UNC5B: variants seen among roughly 807,000 people sequenced by gnomAD.
UNC5B encodes the protein netrin receptor UNC5B.
In UNC5B, 56 loss-of-function variants were observed where a neutral mutation model predicts 103.7. That is an observed-to-expected ratio of 0.54 (90% CI 0.44 to 0.67). The LOEUF is 0.67. Ranked by LOEUF, UNC5B falls within the 30% of genes least tolerant of loss-of-function variation. The pLI, the probability that UNC5B is intolerant of heterozygous loss-of-function variation, is 0.00. For missense variants in UNC5B, 1,194 were observed against 1,284.5 expected, an observed-to-expected ratio of 0.93 and a Z score of 1.08; for synonymous variants, 577 against 542.0, an observed-to-expected ratio of 1.06 and a Z score of -0.90.
At chr10:71,257,050 C>T (rs1278847072) in intron 1 of UNC5B, among the ~76,000 whole-genome samples, 1 of 152,172 alleles carries the variant, frequency 6.6e-6, no homozygotes, top group Non-Finnish European at 1.5e-5. Flanking sequence ...CAGCGGGGCC[C>T]AGAGGAAGGG....
chr10:71,244,440 G>C (rs1433539204), intron 1 of UNC5B, among the ~76,000 whole-genome samples: 1 of 152,232 alleles, frequency 6.6e-6, no homozygotes. Flanking sequence ...AAGGTTTACA[G>C]TAAATATCAG....
chr10:71,255,001 A>G (rs941362212), intron 1 of UNC5B, among the ~76,000 whole-genome samples: 1 of 152,176 alleles, frequency 6.6e-6, no homozygotes, highest in South Asian at 2.1e-4. Flanking sequence ...GTTTCCTTTC[A>G]GGCTCATGCC....
Position 71,291,668 on chromosome 10 carries a change from T to C in UNC5B, c.1531T>C (p.Tyr511His). Residue 511 changes from tyrosine to histidine, a missense_variant, in exon 10 of 17, where the codon TAC becomes CAC. Coordinates refer to ENST00000335350, the MANE Select transcript of UNC5B (RefSeq NM_170744.5). ...GCTGGGGGTCTTGCCGCCTGGCACA[T>C]ACCCTAGCGATTTCGCCCGGGACAC... ...DLLGVLPPGT[Y>H]PSDFARDTHF... is the part of the protein sequence containing the mutation. The C allele has an allele frequency of 6.2e-7, 1 of 1,613,768 alleles. No homozygotes were observed. The highest frequency in any genetic ancestry group is 8.5e-7 in the Non-Finnish European group (1 of 1,180,038).
Position 71,299,583 on chromosome 10 carries a change from A to G in UNC5B, c.*306A>G. 3.5e-6 allele frequency: 1 copy of G among 288,672 alleles called. No homozygotes were observed. The allele number at this position is 288,672 out of a possible 1,614,324, so 17.9% of individuals were successfully genotyped here. A position where few individuals can be genotyped will look rare whatever the true frequency, so the allele number is the denominator to read the frequency against. Reference sequence around the variant, plus strand: ...AGTTGGTTGGGGGCGGGCAGGCAGGAGGCCCTCCCTCCACCCCCCCACCCT... The same window carrying G: ...AGTTGGTTGGGGGCGGGCAGGCAGGGGGCCCTCCCTCCACCCCCCCACCCT... On this transcript the variant is annotated 3_prime_UTR_variant, in exon 17 of 17. Transcript: ENST00000335350.
At chr10:71,270,538 T>A (rs1030463123) in intron 1 of UNC5B, among the ~76,000 whole-genome samples, 3 of 151,710 alleles carry the variant, frequency 2.0e-5, no homozygotes, top group Non-Finnish European at 4.4e-5. Context: ...AAGAGGAAAG[T>A]GGATTTTAGG....
At chr10:71,217,911 C>G (rs1006889783) in intron 1 of UNC5B, 1 of 152,170 alleles carries the variant, frequency 6.6e-6, no homozygotes. Flanking sequence ...GGAGCTCTAA[C>G]GCCACCGCCT....
intron 1 of UNC5B, among the ~76,000 whole-genome samples, chr10:71,255,121 T>G (rs1444757282): frequency 6.6e-6 from 1 of 152,266 alleles, no homozygotes; most frequent in East Asian, 1.9e-4. Flanking sequence ...ATAGACTTCA[T>G]AATTAGCCAT....
At position 71,288,650 on chromosome 10, in the gene UNC5B, G is replaced by T. The variant is rs141237466; in HGVS notation, c.984G>T (p.Ala328=). ...CAHWRSRECM[A]PPPQNGGRDC... The stretch of plus-strand genomic sequence containing the variant: ...ACTGGCGTAGCCGCGAGTGCATGGC[G>T]CCCCCACCCCAGAACGGAGGCCGTG... The change falls in exon 7 of 17, where the codon GCG becomes GCT. Residue 328 remains alanine (A), a synonymous_variant. Coordinates refer to ENST00000335350, the MANE Select transcript of UNC5B (RefSeq NM_170744.5). 1 of 1,613,070 alleles carries T rather than the reference G, an allele frequency of 6.2e-7. No individual in the cohort carries two copies. Among genetic ancestry groups the T allele is most frequent in the Non-Finnish European group, 8.5e-7 (1 of 1,179,990 alleles).
At chr10:71,219,874 A>G (rs761170932) in intron 1 of UNC5B, among the ~76,000 whole-genome samples, 1 of 152,210 alleles carries the variant, frequency 6.6e-6, no homozygotes, top group Non-Finnish European at 1.5e-5. Flanking sequence ...GGGGCAGGTG[A>G]TGAGTGCCAG....
Position 71,299,598 on chromosome 10 carries a change from C to T in UNC5B, c.*321C>T, listed in dbSNP as rs1845538782. The T allele has an allele frequency of 3.5e-6, 1 of 282,790 alleles. No individual in the cohort carries two copies. Among genetic ancestry groups the T allele is most frequent in the South Asian group, 6.9e-5 (1 of 14,400 alleles). The allele number at this position is 282,790 out of a possible 1,614,324, so 17.5% of individuals were successfully genotyped here. On this transcript the variant is annotated 3_prime_UTR_variant, in exon 17 of 17. Transcript: ENST00000335350. ...GGCAGGCAGGAGGCCCTCCCTCCAC[C>T]CCCCCACCCTCAGCCCGGCAACTTC...
intron 1 of UNC5B, among the ~76,000 whole-genome samples, chr10:71,257,457 C>T (rs1844317295): frequency 6.6e-6 from 1 of 152,242 alleles, no homozygotes; most frequent in African/African-American, 2.4e-5. Flanking sequence ...AGGCGAGTCA[C>T]ATAGGTTGCT....
intron 14 of UNC5B, among the ~76,000 whole-genome samples, chr10:71,296,232 G>C (rs550429287): frequency 6.6e-6 from 1 of 152,268 alleles, no homozygotes; most frequent in Admixed American, 6.5e-5. Flanking sequence ...CCTCACAGAG[G>C]CTCCTCACCC....
chr10:71,276,459 A>C (rs1324654939), intron 1 of UNC5B, among the ~76,000 whole-genome samples: 1 of 152,182 alleles, frequency 6.6e-6, no homozygotes, highest in African/African-American at 2.4e-5. Flanking sequence ...TTGGAAACAG[A>C]GTCTCACTTT....
chr10:71,225,866 G>GCCACA (rs368101764), intron 1 of UNC5B, among the ~76,000 whole-genome samples: 2 of 152,206 alleles, frequency 1.3e-5, no homozygotes, highest in South Asian at 2.1e-4. Context: ...AGGACACCCT[G>GCCACA]CAGACACTAC....
At chr10:71,249,231 G>C (rs1369788324) in intron 1 of UNC5B, among the ~76,000 whole-genome samples, 3 of 152,224 alleles carry the variant, frequency 2.0e-5, no homozygotes, top group Non-Finnish European at 2.9e-5. Context: ...GTCCTCCTGG[G>C]CTTCTCAGGC....
chr10:71,239,847 G>A (rs1317146395), intron 1 of UNC5B, among the ~76,000 whole-genome samples: 2 of 152,196 alleles, frequency 1.3e-5, no homozygotes, highest in Non-Finnish European at 1.5e-5. Context: ...CTGCATGTGA[G>A]CACACACACA....
intron 14 of UNC5B, 48 bp downstream of exon 14, chr10:71,296,008 C>T (rs1845402609): frequency 6.2e-7 from 1 of 1,610,280 alleles, no homozygotes; most frequent in Admixed American, 1.7e-5. Flanking sequence ...TAAGGGCTGC[C>T]CGGGAAGCCC....
intron 9 of UNC5B, 33 bp downstream of exon 9, chr10:71,291,142 A>G (rs1845242823): frequency 6.3e-7 from 1 of 1,595,810 alleles, no homozygotes; most frequent in African/African-American, 1.3e-5. Flanking sequence ...GGTGGTTGGC[A>G]GAGGCAGGAT....
intron 1 of UNC5B, among the ~76,000 whole-genome samples, chr10:71,227,342 C>T (rs1843585288): frequency 6.6e-6 from 1 of 151,840 alleles, no homozygotes; most frequent in South Asian, 2.1e-4. Flanking sequence ...ATCATATGTT[C>T]TCACTTGTAA....
Sources: allele counts gnomAD v4.1 joint callset (sites outside exome capture counted in the v4.1 genomes callset), GRCh38; gene constraint gnomAD v4.1.1; transcripts MANE v1.5; gene names NCBI Gene and HGNC (gene_info 2026-07-23, HGNC 2026-07-21).